DNAH3: variants seen among roughly 807,000 people sequenced by gnomAD.
The protein encoded by DNAH3 is dynein axonemal heavy chain 3, also known as axonemal beta dynein heavy chain 3.
In DNAH3, 332 loss-of-function variants were observed where a neutral mutation model predicts 432.5. The ratio of observed to expected loss-of-function variants is 0.77; its 90% CI spans 0.70 to 0.84. The LOEUF (loss-of-function observed/expected upper bound fraction) is 0.84. Ranked by LOEUF, DNAH3 falls within the 40% of genes least tolerant of loss-of-function variation. The probability of loss-of-function intolerance (pLI) is 0.00; values close to 1 mark genes in which losing one functional copy is unlikely to be tolerated. For synonymous variants in DNAH3, 1,956 were observed against 1,900.2 expected (o/e 1.03, Z -0.76); for missense variants, 4,861 against 5,114.0 (o/e 0.95, Z 1.51).
chr16:21,098,499 G>A (rs540294316), intron 17 of DNAH3, 117 bp downstream of exon 17: 2 of 884,222 alleles, frequency 2.3e-6, no homozygotes, highest in Admixed American at 2.8e-5. Flanking sequence ...ACTGGCCAAT[G>A]AGTTAACCAA....
At chr16:21,128,991 G>T (rs1241106836) in intron 7 of DNAH3, among the ~76,000 whole-genome samples, 2 of 152,074 alleles carry the variant, frequency 1.3e-5, no homozygotes, top group East Asian at 3.9e-4. Context: ...CACTACGAGG[G>T]GTATCCTTTT....
chr16:21,058,160 G>C, exon 27 of DNAH3: 2 of 1,613,864 alleles, frequency 1.2e-6, no homozygotes, highest in Non-Finnish European at 1.7e-6. Flanking sequence ...ATAACCACCT[G>C]TCCAGGCCAC....
At chr16:20,964,559 T>A (rs150112791) in exon 53 of DNAH3, 1 of 1,614,234 alleles carries the variant, frequency 6.2e-7, no homozygotes, top group Admixed American at 1.7e-5. Flanking sequence ...ATGTAGTTGC[T>A]ATCAGAGAAC....
intron 57 of DNAH3, among the ~76,000 whole-genome samples, chr16:20,948,208 C>T (rs1008463946): frequency 6.6e-6 from 1 of 152,212 alleles, no homozygotes; most frequent in Non-Finnish European, 1.5e-5. Flanking sequence ...TTGCTCACTT[C>T]CAAGGCTCCA....
intron 7 of DNAH3, among the ~76,000 whole-genome samples, chr16:21,132,545 T>TC (rs2092580487): frequency 6.6e-6 from 1 of 152,216 alleles, no homozygotes; most frequent in African/African-American, 2.4e-5. Flanking sequence ...TCCAATGGAT[T>TC]AGTATGCCGC....
At chr16:20,979,046 G>C (rs993957284) in intron 50 of DNAH3, among the ~76,000 whole-genome samples, 31 of 151,668 alleles carry the variant, frequency 2.0e-4, no homozygotes, top group Non-Finnish European at 2.1e-4. Flanking sequence ...CAAAACTTAA[G>C]GGGTCATTAA....
At position 21,075,445 on chromosome 16, in the gene DNAH3, A is replaced by C; in HGVS notation, c.3084+2T>G. 1 of 1,607,496 alleles carries C rather than the reference A, an allele frequency of 6.2e-7. No homozygotes were observed. Among genetic ancestry groups the C allele is most frequent in the Non-Finnish European group, 8.5e-7 (1 of 1,173,950 alleles). On this transcript the variant is annotated splice_donor_variant, in intron 21 of 61. Coordinates refer to ENST00000261383, the Ensembl canonical transcript of DNAH3. LOFTEE classifies it high-confidence loss of function. ...AGGGGCTGCGGTTGCAGTGAGACTC[A>C]CAGTGTCCCTGTATTTCACGAAGCT...
intron 44 of DNAH3, among the ~76,000 whole-genome samples, chr16:20,989,804 G>T (rs1252431528): frequency 6.6e-6 from 1 of 152,258 alleles, no homozygotes; most frequent in Non-Finnish European, 1.5e-5. Flanking sequence ...GGCAGCTAAG[G>T]CTCAGTGAGA....
intron 49 of DNAH3, among the ~76,000 whole-genome samples, chr16:20,982,289 G>A (rs552657643): frequency 6.6e-6 from 1 of 152,162 alleles, no homozygotes; most frequent in South Asian, 2.1e-4. Flanking sequence ...GGGAGGCTGA[G>A]GCATGAGAAT....
intron 12 of DNAH3, 76 bp downstream of exon 12, chr16:21,117,127 C>T (rs2092222402): frequency 2.1e-6 from 2 of 961,712 alleles, no homozygotes; most frequent in South Asian, 1.6e-5. Context: ...ACAGGAATAC[C>T]TTATTGGATG....
chr16:20,947,491 G>A (rs754374830), intron 57 of DNAH3, among the ~76,000 whole-genome samples: 1 of 152,168 alleles, frequency 6.6e-6, no homozygotes, highest in Non-Finnish European at 1.5e-5. Flanking sequence ...TCTTGAGGCT[G>A]GGACTTGTGA....
intron 44 of DNAH3, among the ~76,000 whole-genome samples, chr16:20,994,842 CT>C (rs67804144): frequency 0.075 from 11,378 of 151,640 alleles, 581 homozygotes; most frequent in East Asian, 0.17. Flanking sequence ...TGTAACATGT[CT>C]TTTTTTTTAA....
chr16:20,964,396 T>C lies in DNAH3; in HGVS notation c.9488A>G (p.Glu3163Gly), dbSNP rs900643879. ...GTATAACTTAAAATCCCTGGAATAT[T>C]CAATGATGTTTTCACCCAGCCTCAT... The change falls in exon 53 of 62, where the codon GAA becomes GGA. Residue 3163 changes from glutamate to glycine, a missense_variant. Glu to Gly is a moderately conservative substitution (Grantham distance 98). Coordinates refer to ENST00000261383, the Ensembl canonical transcript of DNAH3. The C allele has an allele frequency of 4.3e-6, 7 of 1,614,014 alleles. No homozygotes were observed. The African/African-American group carries it at 9.3e-5, about 22-fold the overall frequency.
intron 19 of DNAH3, among the ~76,000 whole-genome samples, chr16:21,082,871 T>C (rs921473576): frequency 3.3e-5 from 5 of 151,808 alleles, no homozygotes; most frequent in Admixed American, 2.0e-4. Flanking sequence ...GTTATATTTG[T>C]ACTAGTCACA....
At chr16:21,134,704 G>A (rs995062064) in intron 6 of DNAH3, among the ~76,000 whole-genome samples, 1 of 151,634 alleles carries the variant, frequency 6.6e-6, no homozygotes, top group Non-Finnish European at 1.5e-5. Context: ...TTTTTGAGAT[G>A]GAGTCTCGCT....
At chr16:21,052,905 C>A (rs903026964) in intron 28 of DNAH3, among the ~76,000 whole-genome samples, 1 of 152,188 alleles carries the variant, frequency 6.6e-6, no homozygotes, top group African/African-American at 2.4e-5. Flanking sequence ...TGTATCCTTT[C>A]CATCTGGGGG....
At chr16:21,119,365 C>T (rs2092282664) in intron 11 of DNAH3, among the ~76,000 whole-genome samples, 1 of 152,098 alleles carries the variant, frequency 6.6e-6, no homozygotes, top group South Asian at 2.1e-4. Context: ...GGTGTGGTGG[C>T]TCATACCTAT....
At chr16:21,151,253 C>T (rs568366495) in intron 1 of DNAH3, among the ~76,000 whole-genome samples, 1 of 151,538 alleles carries the variant, frequency 6.6e-6, no homozygotes, top group African/African-American at 2.4e-5. Context: ...GAAGGGTTAA[C>T]GGGATAACGT....
rs200990545 is a variant in DNAH3, at chr16:21,087,010, T to C, written c.2716A>G (p.Met906Val). The change falls in exon 19 of 62, where the codon ATG becomes GTG. Residue 906 changes from methionine (M) to valine (V), a missense_variant. Coordinates refer to ENST00000261383, the Ensembl canonical transcript of DNAH3. ...ATCAGTTTATACGTTGTCCTCCACATATTCCCTATCTCCTCCGCAATTTGC... is the reference window on the plus strand; with the variant it reads ...ATCAGTTTATACGTTGTCCTCCACACATTCCCTATCTCCTCCGCAATTTGC... 2.8e-5 allele frequency: 46 copies of C among 1,614,214 alleles called. No individual in the cohort carries two copies. The East Asian group carries it at 1.0e-3, about 35-fold the overall frequency.
Sources: gnomAD v4.1 joint callset for allele counts (sites outside exome capture counted in the v4.1 genomes callset) on GRCh38, gnomAD v4.1.1 for gene constraint, MANE v1.5 for transcripts, NCBI Gene and HGNC (gene_info 2026-07-23, HGNC 2026-07-21) for gene names.